Variants in GAK observed in about 807,000 individuals in gnomAD.
The protein encoded by GAK is cyclin G associated kinase.
GAK carries 79 observed loss-of-function variants against 143.9 expected under a neutral mutation model. The ratio of observed to expected loss-of-function variants is 0.55; its 90% CI spans 0.46 to 0.66. The LOEUF (loss-of-function observed/expected upper bound fraction) is 0.66, where lower values mean the gene tolerates loss of function less well. Ranked by LOEUF, GAK falls within the 30% of genes least tolerant of loss-of-function variation. The pLI is 0.00. For synonymous variants in GAK, 881 were observed against 765.5 expected (o/e 1.15, Z -2.49); for missense variants, 1,693 against 1,779.7 (o/e 0.95, Z 0.88).
chr4:913,388 G>A (rs911399026), intron 2 of GAK, among the ~76,000 whole-genome samples: 7 of 152,248 alleles, frequency 4.6e-5, no homozygotes, highest in African/African-American at 9.6e-5. Flanking sequence ...CCTGCCACAG[G>A]GCAGGCAGGG....
At position 894,301 on chromosome 4, in the gene GAK, T is replaced by C. The variant is rs1440396655; in HGVS notation, c.742-292A>G. On this transcript the variant is annotated intron_variant, in intron 7 of 27. Coordinates refer to ENST00000314167, the MANE Select transcript of GAK (RefSeq NM_005255.4). ...CCGTGGGGAGCGCAGGGGTGACGCC[T>C]GGGCCTGTGGGGAGTGCAGGGGTGA... 4.8e-5 allele frequency: 12 copies of C among 252,012 alleles called. No homozygotes were observed. In the Admixed American group the frequency reaches 5.8e-4, roughly 12 times the overall value. The allele number at this position is 252,012 out of a possible 1,614,324, so 15.6% of individuals were successfully genotyped here.
At chr4:878,749 G>T (rs1024851685) in intron 15 of GAK, among the ~76,000 whole-genome samples, 1 of 152,226 alleles carries the variant, frequency 6.6e-6, no homozygotes, top group African/African-American at 2.4e-5. Flanking sequence ...GCACAGCTCT[G>T]GCTTTCCCGT....
intron 11 of GAK, 170 bp from the exon 12 acceptor site, chr4:884,256 T>C: frequency 3.3e-6 from 2 of 604,734 alleles, no homozygotes; most frequent in South Asian, 2.0e-5. Context: ...TTCCCGGCTG[T>C]GTGCGTGCTG....
Position 902,165 on chromosome 4 carries a change from G to C in GAK, c.525+2472C>G, listed in dbSNP as rs1488160462. Among the ~76,000 whole-genome samples the C allele has an allele frequency of 3.3e-5, 5 of 151,722 alleles. No individual in the cohort carries two copies. In the East Asian group the frequency reaches 7.8e-4, roughly 24 times the overall value. On this transcript the variant is annotated intron_variant, in intron 5 of 27. Transcript: ENST00000314167. ...AGGTAGGAGAATCGCTGGAACCCAG[G>C]AGGCAGAGGCTGCATGAGCCGAGAT...
chr4:928,078 G>A (rs1202075152), intron 1 of GAK, among the ~76,000 whole-genome samples: 1 of 152,132 alleles, frequency 6.6e-6, no homozygotes, highest in African/African-American at 2.4e-5. Context: ...TTTTTTTTGA[G>A]ATAGAGTCTC....
Position 893,355 on chromosome 4 carries a change from G to C in GAK, c.990+22C>G, listed in dbSNP as rs746834681. The stretch of plus-strand genomic sequence containing the variant: ...TCCTTCACCACTGCGGGGGATTTGG[G>C]GCTCACGTGTGCCTCCCTCACCTCT... On this transcript the variant is annotated intron_variant, in intron 9 of 27. Coordinates refer to ENST00000314167, the MANE Select transcript of GAK (RefSeq NM_005255.4). 15 of 1,493,756 alleles carry C rather than the reference G, an allele frequency of 1.0e-5. 1 individual carries two copies. The highest frequency in any genetic ancestry group is 1.4e-5 in the Non-Finnish European group (15 of 1,109,070). 92.5% of individuals were successfully genotyped at this position (1,493,756 alleles called of 1,614,324 possible). A position where few individuals can be genotyped will look rare whatever the true frequency, so the allele number is the denominator to read the frequency against.
intron 4 of GAK, 40 bp downstream of exon 4, chr4:911,633 T>C: frequency 1.4e-6 from 2 of 1,432,510 alleles, no homozygotes; most frequent in African/African-American, 1.4e-5. Flanking sequence ...CGGCCTCTGC[T>C]GGGTTAGATG....
intron 15 of GAK, among the ~76,000 whole-genome samples, 175 bp downstream of exon 15, chr4:881,732 C>T (rs963727984): frequency 5.3e-5 from 8 of 152,246 alleles, no homozygotes; most frequent in African/African-American, 7.2e-5. Flanking sequence ...CCATCCTCCC[C>T]GGGCTCTGCG....
chr4:867,604 GTGAACACA>G (rs1751454876), intron 20 of GAK, among the ~76,000 whole-genome samples, 172 bp from the exon 21 acceptor site: 1 of 151,570 alleles, frequency 6.6e-6, no homozygotes. Flanking sequence ...CAGGGCCTTG[GTGAACACA>G]CGTGGCCAGC....
chr4:916,008 TG>T (rs1723045480), intron 1 of GAK, among the ~76,000 whole-genome samples: 1 of 152,248 alleles, frequency 6.6e-6, no homozygotes, highest in Non-Finnish European at 1.5e-5. Flanking sequence ...GCATTCAGGA[TG>T]GTTGTTGGAT....
chr4:914,831 G>A (rs541428414), intron 1 of GAK, among the ~76,000 whole-genome samples: 14 of 100,780 alleles, frequency 1.4e-4, no homozygotes, highest in East Asian at 6.9e-4. Flanking sequence ...CAACGTACAC[G>A]GCCCCCAACA....
intron 1 of GAK, among the ~76,000 whole-genome samples, chr4:929,433 A>T (rs1238381734): frequency 6.6e-6 from 1 of 152,204 alleles, no homozygotes; most frequent in Non-Finnish European, 1.5e-5. Context: ...ATTTCCCTGC[A>T]GTCAGGGCAC....
chr4:866,814 C>T (rs1251414157), intron 21 of GAK, 142 bp downstream of exon 21: 15 of 719,862 alleles, frequency 2.1e-5, no homozygotes, highest in Non-Finnish European at 2.8e-5. Flanking sequence ...GACATGACCC[C>T]GAGGCTGCTC....
chr4:856,387 A>AC (rs1749202380), intron 24 of GAK, among the ~76,000 whole-genome samples: 1 of 80,610 alleles, frequency 1.2e-5, no homozygotes, highest in Non-Finnish European at 2.6e-5. Flanking sequence ...ACAGCTGCTC[A>AC]CACCTGCTCA....
intron 1 of GAK, among the ~76,000 whole-genome samples, chr4:926,084 C>G (rs1310517330): frequency 6.6e-6 from 1 of 151,906 alleles, no homozygotes; most frequent in Non-Finnish European, 1.5e-5. Flanking sequence ...AGTGACCTCC[C>G]CAAACGTCTA....
chr4:917,673 C>T (rs535138856), intron 1 of GAK, among the ~76,000 whole-genome samples: 1 of 152,334 alleles, frequency 6.6e-6, no homozygotes, highest in South Asian at 2.1e-4. Context: ...GGAGGGAGAC[C>T]GTGGCGCTGA....
chr4:899,828 G>C (rs1719522268), intron 5 of GAK, among the ~76,000 whole-genome samples: 1 of 152,234 alleles, frequency 6.6e-6, no homozygotes, highest in Non-Finnish European at 1.5e-5. Context: ...GGTGCAGACA[G>C]GATGGCTCAC....
At position 851,559 on chromosome 4, in the gene GAK, G is replaced by C. The variant is rs1309545557; in HGVS notation, c.3508+191C>G. On this transcript the variant is annotated intron_variant, in intron 25 of 27. Coordinates refer to ENST00000314167, the MANE Select transcript of GAK (RefSeq NM_005255.4). The stretch of plus-strand genomic sequence containing the variant: ...GGTCAAGAAGGTGTCACTGGAACAA[G>C]AGGGACCCAGAGGCCTGACCCAGAG... 9 of 620,940 alleles carry C rather than the reference G, an allele frequency of 1.4e-5. No individual in the cohort carries two copies. In the East Asian group the frequency reaches 2.5e-4, roughly 17 times the overall value. 38.5% of individuals were successfully genotyped at this position (620,940 alleles called of 1,614,324 possible).
intron 4 of GAK, among the ~76,000 whole-genome samples, chr4:906,186 G>A (rs1721050539): frequency 6.6e-6 from 1 of 152,140 alleles, no homozygotes; most frequent in Non-Finnish European, 1.5e-5. Context: ...CCGAGCCGGC[G>A]AGCCGTTAAC....
Sources: allele counts gnomAD v4.1 joint callset (sites outside exome capture counted in the v4.1 genomes callset), GRCh38; gene constraint gnomAD v4.1.1; transcripts MANE v1.5; gene names NCBI Gene and HGNC (gene_info 2026-07-23, HGNC 2026-07-21).